EYA4: variants seen among roughly 807,000 people sequenced by gnomAD.
EYA4 encodes the protein EYA transcriptional coactivator and phosphatase 4.
EYA4 carries 31 observed loss-of-function variants against 87.9 expected under a neutral mutation model. The ratio of observed to expected loss-of-function variants is 0.35; its 90% CI spans 0.27 to 0.48. The LOEUF (loss-of-function observed/expected upper bound fraction) is 0.48, where lower values mean the gene tolerates loss of function less well. EYA4 is among the 20% of genes least tolerant of loss of function. EYA4 has a pLI of 0.99. For synonymous variants in EYA4, 263 were observed against 270.6 expected, an observed-to-expected ratio of 0.97 and a Z score of 0.28; for missense variants, 678 against 761.4, an observed-to-expected ratio of 0.89 and a Z score of 1.29.
chr6:133,257,347 C>A (rs1775418237), intron 1 of EYA4, among the ~76,000 whole-genome samples: 1 of 152,084 alleles, frequency 6.6e-6, no homozygotes, highest in Admixed American at 6.6e-5. Context: ...TCTCCTTCCC[C>A]CAACGTAGGT....
At chr6:133,323,514 G>A (rs1325193909) in intron 2 of EYA4, among the ~76,000 whole-genome samples, 4 of 152,126 alleles carry the variant, frequency 2.6e-5, no homozygotes, top group Admixed American at 2.6e-4. Flanking sequence ...CAGATCGATT[G>A]TCAAATCCAG....
At chr6:133,510,193 A>G (rs1799022244) in intron 14 of EYA4, among the ~76,000 whole-genome samples, 2 of 152,340 alleles carry the variant, frequency 1.3e-5, no homozygotes, top group Admixed American at 1.3e-4. Flanking sequence ...TTCTCTAAAA[A>G]TTACAATGAG....
intron 1 of EYA4, among the ~76,000 whole-genome samples, chr6:133,252,084 A>G (rs1346497348): frequency 6.6e-6 from 1 of 152,226 alleles, no homozygotes; most frequent in Non-Finnish European, 1.5e-5. Flanking sequence ...TAGGAAGTAA[A>G]TATTTATTTG....
At chr6:133,390,288 C>T (rs551943217) in intron 3 of EYA4, among the ~76,000 whole-genome samples, 14 of 152,154 alleles carry the variant, frequency 9.2e-5, no homozygotes, top group Non-Finnish European at 1.3e-4. Flanking sequence ...GGCAGAATCT[C>T]GGCTCACTGT....
At chr6:133,317,662 A>C (rs1020010334) in intron 2 of EYA4, among the ~76,000 whole-genome samples, 15 of 152,180 alleles carry the variant, frequency 9.9e-5, no homozygotes, top group Admixed American at 9.8e-4. Flanking sequence ...GTATGAAATA[A>C]AAAACAAGTT....
At chr6:133,316,943 GA>G (rs765214701) in intron 2 of EYA4, among the ~76,000 whole-genome samples, 2 of 152,134 alleles carry the variant, frequency 1.3e-5, no homozygotes, top group African/African-American at 2.4e-5. Flanking sequence ...GCTTAGCATA[GA>G]AGCCTTCCTT....
At chr6:133,433,349 A>G (rs577723667) in intron 3 of EYA4, among the ~76,000 whole-genome samples, 11 of 152,242 alleles carry the variant, frequency 7.2e-5, no homozygotes, top group Non-Finnish European at 5.9e-5. Flanking sequence ...AATTCAGCCA[A>G]GCGCATGCCA....
chr6:133,375,776 G>A (rs1296699901), intron 2 of EYA4, among the ~76,000 whole-genome samples: 1 of 151,654 alleles, frequency 6.6e-6, no homozygotes. Context: ...ATTCAAATAT[G>A]GATAACTTGT....
chr6:133,321,554 C>A (rs1256829928), intron 2 of EYA4, among the ~76,000 whole-genome samples: 1 of 152,076 alleles, frequency 6.6e-6, no homozygotes, highest in Admixed American at 6.6e-5. Flanking sequence ...GGAACTTTCC[C>A]CCTTACTACC....
chr6:133,458,096 A>C (rs760316306), intron 6 of EYA4, among the ~76,000 whole-genome samples: 6 of 152,102 alleles, frequency 3.9e-5, no homozygotes, highest in Non-Finnish European at 8.8e-5. Flanking sequence ...TAGATGGAAA[A>C]AGAAATAGGC....
chr6:133,346,723 A>G (rs1783223823), intron 2 of EYA4, among the ~76,000 whole-genome samples: 1 of 151,422 alleles, frequency 6.6e-6, no homozygotes, highest in Admixed American at 6.6e-5. Flanking sequence ...CTCGGGCAAT[A>G]ATTTGCCCCA....
chr6:133,354,029 G>C (rs1445982311), intron 2 of EYA4, among the ~76,000 whole-genome samples: 2 of 152,130 alleles, frequency 1.3e-5, no homozygotes, highest in African/African-American at 4.8e-5. Flanking sequence ...CTACCTTTCT[G>C]TTGTCACATT....
At chr6:133,293,938 A>G (rs1457208227) in intron 2 of EYA4, among the ~76,000 whole-genome samples, 2 of 143,522 alleles carry the variant, frequency 1.4e-5, no homozygotes, top group African/African-American at 5.2e-5. Flanking sequence ...GGAGACAGGA[A>G]TGTTTTATAT....
At chr6:133,493,805 A>T (rs1797396918) in intron 13 of EYA4, among the ~76,000 whole-genome samples, 1 of 152,224 alleles carries the variant, frequency 6.6e-6, no homozygotes, top group Admixed American at 6.5e-5. Flanking sequence ...TTCTCAGAAG[A>T]CATACACATG....
At chr6:133,479,152 A>C (rs1314057598) in intron 11 of EYA4, among the ~76,000 whole-genome samples, 3 of 152,170 alleles carry the variant, frequency 2.0e-5, no homozygotes, top group Non-Finnish European at 4.4e-5. Flanking sequence ...ACCTTAGGAA[A>C]ATTCTGTTTC....
At chr6:133,433,160 T>C (rs1262471741) in intron 3 of EYA4, among the ~76,000 whole-genome samples, 1 of 152,218 alleles carries the variant, frequency 6.6e-6, no homozygotes, top group Non-Finnish European at 1.5e-5. Context: ...TTCTTGTGAA[T>C]TGCTGGTTCT....
chr6:133,475,614 T>C (rs1161134618), intron 11 of EYA4, among the ~76,000 whole-genome samples: 1 of 152,126 alleles, frequency 6.6e-6, no homozygotes, highest in Admixed American at 6.6e-5. Flanking sequence ...TAATGGAAAC[T>C]AACAAGAGGA....
At chr6:133,361,472 AGT>A (rs775385045) in intron 2 of EYA4, among the ~76,000 whole-genome samples, 1 of 152,072 alleles carries the variant, frequency 6.6e-6, no homozygotes, top group African/African-American at 2.4e-5. Context: ...GGAAGTAATA[AGT>A]CTCATTATTG....
In EYA4 at chr6:133,530,374, A is replaced by G. The variant is rs902489940; in HGVS notation, c.*1569A>G. 5.1e-6 allele frequency: 5 copies of G among 985,248 alleles called. No individual in the cohort carries two copies. The highest frequency in any genetic ancestry group is 1.2e-6 in the Non-Finnish European group (1 of 829,876). The allele number at this position is 985,248 out of a possible 1,614,324, so 61.0% of individuals were successfully genotyped here. ...GTGTGTAGCCCATGTTGGGAACACG[A>G]TACAGGTTCTCCTCTTATTTCCTAT... On this transcript the variant is annotated 3_prime_UTR_variant, in exon 20 of 20. Transcript: ENST00000355286.
Sources: gnomAD v4.1 joint callset for allele counts (sites outside exome capture counted in the v4.1 genomes callset) on GRCh38, gnomAD v4.1.1 for gene constraint, MANE v1.5 for transcripts, NCBI Gene and HGNC (gene_info 2026-07-23, HGNC 2026-07-21) for gene names.